Variants in ARK2N observed in about 807,000 individuals in gnomAD.
ARK2N encodes arkadia (RNF111) N-terminal like PKA signaling regulator 2N, also known as protein ARK2N.
the ARK2N span, among the ~76,000 whole-genome samples, chr18:46,251,463 G>A: frequency 3.3e-5 from 5 of 152,062 alleles, no homozygotes; most frequent in Non-Finnish European, 7.4e-5. Flanking sequence ...ACATAATCTG[G>A]ATTACAAACC....
chr18:46,247,891 TCA>T, the ARK2N span, among the ~76,000 whole-genome samples: 1 of 152,256 alleles, frequency 6.6e-6, no homozygotes, highest in Admixed American at 6.5e-5. Flanking sequence ...AGGCTTGGTC[TCA>T]AACACCCGAC....
the ARK2N span, among the ~76,000 whole-genome samples, chr18:46,196,062 C>A: frequency 1.3e-5 from 2 of 151,428 alleles, no homozygotes; most frequent in Non-Finnish European, 2.9e-5. Context: ...CTCACAGCAA[C>A]CTCTGCCTCC....
chr18:46,260,348 G>C, the ARK2N span, among the ~76,000 whole-genome samples: 1 of 152,132 alleles, frequency 6.6e-6, no homozygotes, highest in Non-Finnish European at 1.5e-5. Context: ...AATAATTAGA[G>C]TTAGGAAAGC....
At chr18:46,190,430 G>T in the ARK2N span, among the ~76,000 whole-genome samples, 1 of 147,444 alleles carries the variant, frequency 6.8e-6, no homozygotes, top group Non-Finnish European at 1.5e-5. Context: ...TGAGGTTGCG[G>T]TGAGCTGAGA....
the ARK2N span, among the ~76,000 whole-genome samples, chr18:46,187,713 T>C: frequency 6.6e-6 from 1 of 152,188 alleles, no homozygotes; most frequent in African/African-American, 2.4e-5. Flanking sequence ...TCTCTTGACT[T>C]CAGTTTATTT....
the ARK2N span, among the ~76,000 whole-genome samples, chr18:46,205,812 AC>A: frequency 9.2e-5 from 14 of 151,960 alleles, no homozygotes; most frequent in South Asian, 1.9e-3. Context: ...TGCAGCCTTG[AC>A]CCCGTGGGCT....
chr18:46,224,314 A>G, the ARK2N span, among the ~76,000 whole-genome samples: 3 of 152,196 alleles, frequency 2.0e-5, no homozygotes, highest in African/African-American at 7.2e-5. Flanking sequence ...CAGCGTTTGT[A>G]AAAGCTGACC....
the ARK2N span, among the ~76,000 whole-genome samples, chr18:46,261,793 G>T: frequency 6.6e-6 from 1 of 152,190 alleles, no homozygotes; most frequent in Non-Finnish European, 1.5e-5. Context: ...TAGTAAGGGA[G>T]AAGTTATCAG....
At chr18:46,236,012 G>A in the ARK2N span, among the ~76,000 whole-genome samples, 1 of 152,164 alleles carries the variant, frequency 6.6e-6, no homozygotes, top group Non-Finnish European at 1.5e-5. Flanking sequence ...TGACAACACA[G>A]ATACTTCTAT....
chr18:46,263,034 G>C, the ARK2N span: 1 of 1,614,156 alleles, frequency 6.2e-7, no homozygotes, highest in Non-Finnish European at 8.5e-7. Context: ...GGACTGCTGT[G>C]ACTCCCCAGC....
At chr18:46,220,204 T>G in the ARK2N span, among the ~76,000 whole-genome samples, 1 of 152,328 alleles carries the variant, frequency 6.6e-6, no homozygotes, top group African/African-American at 2.4e-5. Flanking sequence ...TGTTTGCCTT[T>G]GAAAATCTCA....
the ARK2N span, among the ~76,000 whole-genome samples, chr18:46,179,713 C>T: frequency 2.0e-5 from 3 of 151,900 alleles, no homozygotes; most frequent in Admixed American, 6.6e-5. Flanking sequence ...GCAACCTCCG[C>T]CTCCTGGGTT....
chr18:46,256,269 A>T, the ARK2N span, among the ~76,000 whole-genome samples: 1 of 152,356 alleles, frequency 6.6e-6, no homozygotes, highest in Non-Finnish European at 1.5e-5. Context: ...GTGCTAAGAC[A>T]TATCACTTGG....
chr18:46,224,533 C>A, the ARK2N span, among the ~76,000 whole-genome samples: 3 of 152,130 alleles, frequency 2.0e-5, no homozygotes, highest in Non-Finnish European at 2.9e-5. Context: ...TAAGGACATA[C>A]ATTAAAATCA....
chr18:46,256,116 C>A, the ARK2N span, among the ~76,000 whole-genome samples: 1 of 152,212 alleles, frequency 6.6e-6, no homozygotes, highest in African/African-American at 2.4e-5. Flanking sequence ...GAATTATCTT[C>A]AAATGTGCCA....
chr18:46,211,881 A>G, the ARK2N span, among the ~76,000 whole-genome samples: 1 of 152,218 alleles, frequency 6.6e-6, no homozygotes, highest in Non-Finnish European at 1.5e-5. Context: ...CTATTTGACA[A>G]TTATATCATT....
the ARK2N span, among the ~76,000 whole-genome samples, chr18:46,227,897 C>T: frequency 1.3e-5 from 2 of 152,034 alleles, no homozygotes; most frequent in African/African-American, 2.4e-5. Flanking sequence ...TGTGCCTGGC[C>T]GATCTCTTTT....
At chr18:46,236,519 A>AT in the ARK2N span, among the ~76,000 whole-genome samples, 3 of 152,348 alleles carry the variant, frequency 2.0e-5, no homozygotes, top group African/African-American at 7.2e-5. Context: ...AATATTAGAA[A>AT]TTTATGTTTT....
chr18:46,265,155 A>C, the ARK2N span: 1 of 152,666 alleles, frequency 6.6e-6, no homozygotes, highest in Non-Finnish European at 1.5e-5. Flanking sequence ...AAAATACTAG[A>C]CAAAGCAGAA....
Sources: gnomAD v4.1 joint callset for allele counts (sites outside exome capture counted in the v4.1 genomes callset) on GRCh38, gnomAD v4.1.1 for gene constraint, MANE v1.5 for transcripts, NCBI Gene and HGNC (gene_info 2026-07-23, HGNC 2026-07-21) for gene names.